Variants in EBF3 observed in about 807,000 individuals in gnomAD.
EBF3 encodes EBF transcription factor 3.
A neutral mutation model predicts 77.1 loss-of-function variants in EBF3; 18 were observed. The observed-to-expected ratio is 0.23, with a 90% CI of 0.16 to 0.35. The LOEUF (loss-of-function observed/expected upper bound fraction) is 0.35. Among genes scored for constraint, EBF3 ranks in the 10% least tolerant of loss-of-function variants. The pLI is 1.00. For missense variants in EBF3, 558 were observed against 860.0 expected, an observed-to-expected ratio of 0.65 and a Z score of 4.39; for synonymous variants, 350 against 343.5, an observed-to-expected ratio of 1.02 and a Z score of -0.21.
intron 16 of EBF3, 118 bp downstream of exon 16, chr10:129,838,965 G>A (rs939471093): frequency 2.2e-5 from 22 of 1,009,850 alleles, no homozygotes; most frequent in Admixed American, 8.1e-5. Context: ...CCTCTGCAAC[G>A]ACCCTGGTGT....
At chr10:129,862,259 G>A (rs1851693388) in intron 10 of EBF3, among the ~76,000 whole-genome samples, 1 of 152,204 alleles carries the variant, frequency 6.6e-6, no homozygotes, top group Non-Finnish European at 1.5e-5. Flanking sequence ...GAAGCTGAAT[G>A]AACGTCCTTG....
At chr10:129,934,394 T>C (rs956714042) in intron 6 of EBF3, among the ~76,000 whole-genome samples, 1 of 152,130 alleles carries the variant, frequency 6.6e-6, no homozygotes, top group African/African-American at 2.4e-5. Context: ...TCAGGCGTCA[T>C]CTGTCCCTTG....
At position 129,964,076 on chromosome 10, in the gene EBF3, C is replaced by T; in HGVS notation, c.-308G>A. Reference sequence around the variant, plus strand: ...GCAGGCGCGCTCAACGTGGTGTCATCCTAGCCAGGCGGCGTCCGCGGCTGC... The same window carrying T: ...GCAGGCGCGCTCAACGTGGTGTCATTCTAGCCAGGCGGCGTCCGCGGCTGC... On this transcript the variant is annotated 5_prime_UTR_variant, in exon 1 of 17. Coordinates refer to ENST00000440978, the MANE Select transcript of EBF3 (RefSeq NM_001375380.1). This position sits in a 1 kb window ranked among gnomAD's most constrained non-coding sequence, Gnocchi z 4.5. The T allele has an allele frequency of 6.1e-6, 6 of 985,178 alleles. No individual in the cohort carries two copies. Among genetic ancestry groups the T allele is most frequent in the South Asian group, 4.7e-5 (1 of 21,290 alleles). 61.0% of individuals were successfully genotyped at this position (985,178 alleles called of 1,614,324 possible).
chr10:129,942,889 G>A (rs1382905576), intron 6 of EBF3, among the ~76,000 whole-genome samples: 1 of 152,166 alleles, frequency 6.6e-6, no homozygotes, highest in East Asian at 1.9e-4. Context: ...GAACGCTCAG[G>A]TACAGGCGTT....
intron 8 of EBF3, 142 bp downstream of exon 8, chr10:129,873,310 C>A: frequency 2.0e-6 from 2 of 1,015,486 alleles, no homozygotes; most frequent in Non-Finnish European, 2.6e-6. Context: ...ACCTCGGGGA[C>A]ACCCCCTCAT....
Position 129,944,856 on chromosome 10 carries a change from A to G in EBF3, c.554+12402T>C, listed in dbSNP as rs1044050159. Among the ~76,000 whole-genome samples the G allele has an allele frequency of 6.6e-6, 1 of 151,602 alleles. No individual in the cohort carries two copies. Among genetic ancestry groups the G allele is most frequent in the Non-Finnish European group, 1.5e-5 (1 of 67,964 alleles). ...AAAGGTTATTATCCTCTTCGAAAAC[A>G]CTATAGAATATGTACGAAAATGTCA... On this transcript the variant is annotated intron_variant, in intron 6 of 16. Coordinates refer to ENST00000440978, the MANE Select transcript of EBF3 (RefSeq NM_001375380.1). This position sits in a 1 kb window ranked among gnomAD's most constrained non-coding sequence, Gnocchi z 5.1.
rs552752044 is a variant in EBF3 at position 129,870,954 on chromosome 10, A to G, written c.781+2498T>C. 5.9e-5 allele frequency among the ~76,000 whole-genome samples: 9 copies of G among 152,314 alleles called. No individual in the cohort carries two copies. The East Asian group carries it at 1.7e-3, about 29-fold the overall frequency. On this transcript the variant is annotated intron_variant, in intron 8 of 16. Transcript: ENST00000440978. The surrounding 1 kb of genome is among the most constrained non-coding windows in gnomAD (Gnocchi z 4.4). ...ACTCAAACAGGCCTAATCTTGCCTCATGAAGACTTCTTTGTTCTGCCTGCT... is the reference window on the plus strand; with the variant it reads ...ACTCAAACAGGCCTAATCTTGCCTCGTGAAGACTTCTTTGTTCTGCCTGCT...
intron 6 of EBF3, among the ~76,000 whole-genome samples, chr10:129,926,644 G>A (rs915758442): frequency 2.0e-5 from 3 of 152,172 alleles, no homozygotes; most frequent in Non-Finnish European, 4.4e-5. Context: ...GCACCTTCAA[G>A]GGCGGCTGGG....
intron 7 of EBF3, among the ~76,000 whole-genome samples, chr10:129,876,512 C>A (rs1477537038): frequency 2.0e-5 from 3 of 152,242 alleles, no homozygotes; most frequent in Admixed American, 6.5e-5. Flanking sequence ...TGGGCGGGCC[C>A]AAAGAGCCCG....
At chr10:129,878,678 A>AT (rs1201451759) in intron 6 of EBF3, among the ~76,000 whole-genome samples, 2 of 150,998 alleles carry the variant, frequency 1.3e-5, no homozygotes, top group African/African-American at 4.9e-5. Flanking sequence ...AAAAAAAAAA[A>AT]AAAAAGAGTT....
intron 6 of EBF3, among the ~76,000 whole-genome samples, chr10:129,924,005 C>T (rs531689327): frequency 2.0e-5 from 3 of 152,300 alleles, no homozygotes; most frequent in East Asian, 3.9e-4. Context: ...AGAAGACATA[C>T]AAATGGCCGA....
chr10:129,842,236 T>C lies in EBF3; in HGVS notation c.1252A>G (p.Asn418Asp). ...CCCAGGGTGGGGATCTGGTTGTGAT[T>C]GCGGGGAACGCTGTACAGCGCCTCG... Reference protein sequence around the residue: ...IAEALYSVPRNHNQIPTLGNN... With the variant: ...IAEALYSVPRDHNQIPTLGNN... The change falls in exon 13 of 17, where the codon AAT becomes GAT. Residue 418 changes from asparagine (N) to aspartate (D), a missense_variant. By Grantham distance (23) the Asn-to-Asp change is conservative. This residue lies in a region of EBF3 where 284 missense variants were observed against 368.3 expected (regional missense o/e 0.77). Transcript: ENST00000440978. The surrounding 1 kb of genome is among the most constrained non-coding windows in gnomAD (Gnocchi z 4.4). The C allele has an allele frequency of 6.2e-7, 1 of 1,613,986 alleles. No individual in the cohort carries two copies. The highest frequency in any genetic ancestry group is 8.5e-7 in the Non-Finnish European group (1 of 1,179,974).
At position 129,863,978 on chromosome 10, in the gene EBF3, C is replaced by T. The variant is rs1851818195; in HGVS notation, c.1039+3163G>A. On this transcript the variant is annotated intron_variant, in intron 10 of 16. Coordinates refer to ENST00000440978, the MANE Select transcript of EBF3 (RefSeq NM_001375380.1). The surrounding 1 kb of genome is among the most constrained non-coding windows in gnomAD (Gnocchi z 4.0). ...GGAGCATGTCTCGATGGAGGAAATCCCTGAAGCTTCGGGCAGCCAGGACCC... is the reference window on the plus strand; with the variant it reads ...GGAGCATGTCTCGATGGAGGAAATCTCTGAAGCTTCGGGCAGCCAGGACCC... 6.6e-6 allele frequency among the ~76,000 whole-genome samples: 1 copy of T among 152,116 alleles called. No homozygotes were observed. Among genetic ancestry groups the T allele is most frequent in the Non-Finnish European group, 1.5e-5 (1 of 68,024 alleles).
chr10:129,877,938 T>G, intron 6 of EBF3, 89 bp from the exon 7 acceptor site: 6 of 1,029,908 alleles, frequency 5.8e-6, no homozygotes, highest in Non-Finnish European at 8.5e-6. Flanking sequence ...CAGGGAGGAG[T>G]GGAGACTCAA....
At chr10:129,873,850 T>C (rs544620361) in intron 7 of EBF3, among the ~76,000 whole-genome samples, 1 of 152,384 alleles carries the variant, frequency 6.6e-6, no homozygotes, top group South Asian at 2.1e-4. Flanking sequence ...TCTCCTATTA[T>C]GCTAACAAGT....
Position 129,864,843 on chromosome 10 carries a change from G to A in EBF3, c.1039+2298C>T, listed in dbSNP as rs77857483. ...CGCTTTCCTAAGGAGCTCAGGACTC[G>A]AGCAGAGTCCCACAGAACCCAGCCG... is the stretch of plus-strand genomic sequence containing the variant. On this transcript the variant is annotated intron_variant, in intron 10 of 16. Transcript: ENST00000440978. The surrounding 1 kb of genome is among the most constrained non-coding windows in gnomAD (Gnocchi z 4.4). Among the ~76,000 whole-genome samples, 328 of 152,292 alleles carry A rather than the reference G, an allele frequency of 2.2e-3. 8 individuals are homozygous for A. The East Asian group carries it at 0.034, about 16-fold the overall frequency.
chr10:129,841,047 C>CCCCCA lies in EBF3; in HGVS notation c.1373-16_1373-15insTGGGG. 1 of 1,604,308 alleles carries CCCCCA rather than the reference C, an allele frequency of 6.2e-7. No homozygotes were observed. Among genetic ancestry groups the CCCCCA allele is most frequent in the Non-Finnish European group, 8.5e-7 (1 of 1,175,764 alleles). On this transcript the variant is annotated splice_polypyrimidine_tract_variant and intron_variant, in intron 13 of 16. Transcript: ENST00000440978. The surrounding 1 kb of genome is among the most constrained non-coding windows in gnomAD (Gnocchi z 4.6). ...ACTGTAGCCGACTGTTGAAATCCCC[C>CCCCCA]CCCCGGCCAAAAATAACATTATTAT...
rs1256869942 is a variant in EBF3 at position 129,848,272 on chromosome 10, T to C, written c.1128+120A>G. The C allele has an allele frequency of 1.9e-6, 2 of 1,066,452 alleles. No individual in the cohort carries two copies. Among genetic ancestry groups the C allele is most frequent in the East Asian group, 2.4e-5 (1 of 41,986 alleles). 66.1% of individuals were successfully genotyped at this position (1,066,452 alleles called of 1,614,324 possible). ...CTCCTCACACCTGTCGGCCCTGTGG[T>C]GGGCACAGAGTTTGGGGAATCTGCA... On this transcript the variant is annotated intron_variant, in intron 11 of 16. Coordinates refer to ENST00000440978, the MANE Select transcript of EBF3 (RefSeq NM_001375380.1). This position sits in a 1 kb window ranked among gnomAD's most constrained non-coding sequence, Gnocchi z 4.4.
At position 129,840,835 on chromosome 10, in the gene EBF3, G is replaced by A; in HGVS notation, c.1561+9C>T. On this transcript the variant is annotated intron_variant, in intron 14 of 16. Coordinates refer to ENST00000440978, the MANE Select transcript of EBF3 (RefSeq NM_001375380.1). Reference sequence around the variant, plus strand: ...TGCGTGATGACGTGTGACAAAAACAGACACTTACTGCCGTAGGGAGAGTTA... The same window carrying A: ...TGCGTGATGACGTGTGACAAAAACAAACACTTACTGCCGTAGGGAGAGTTA... 1 of 1,608,740 alleles carries A rather than the reference G, an allele frequency of 6.2e-7. No homozygotes were observed. The highest frequency in any genetic ancestry group is 8.5e-7 in the Non-Finnish European group (1 of 1,176,384).
Sources: allele counts gnomAD v4.1 joint callset (sites outside exome capture counted in the v4.1 genomes callset), GRCh38; gene constraint gnomAD v4.1.1; regional missense constraint gnomAD v4.1.1; non-coding constraint Gnocchi (gnomAD v3.1); transcripts MANE v1.5; gene names NCBI Gene and HGNC (gene_info 2026-07-23, HGNC 2026-07-21).